The following ANO2 variants were observed in gnomAD, a reference collection of about 807,000 sequenced individuals.
ANO2 encodes the protein anoctamin-2.
Under a neutral mutation model 124.2 loss-of-function variants are expected in ANO2, and 101 were observed. The observed-to-expected ratio is 0.81, with a 90% confidence interval of 0.69 to 0.96. The LOEUF is 0.96. Among genes scored for constraint, ANO2 ranks in the 40% least tolerant of loss-of-function variants. The probability of loss-of-function intolerance (pLI) is 0.00; values close to 1 mark genes in which losing one functional copy is unlikely to be tolerated. For missense variants in ANO2, 1,293 were observed against 1,274.5 expected (o/e 1.01, Z -0.22); for synonymous variants, 486 against 482.5 (o/e 1.01, Z -0.09).
intron 7 of ANO2, among the ~76,000 whole-genome samples, chr12:5,822,411 A>C (rs1158287350): frequency 6.6e-6 from 1 of 152,138 alleles, no homozygotes; most frequent in Non-Finnish European, 1.5e-5. Context: ...TTCTGTGGAC[A>C]CTACTCAACC....
At chr12:5,873,501 G>T (rs1401638183) in intron 3 of ANO2, among the ~76,000 whole-genome samples, 1 of 152,206 alleles carries the variant, frequency 6.6e-6, no homozygotes, top group African/African-American at 2.4e-5. Context: ...CTCGCTGGAG[G>T]AATTTGGGCT....
chr12:5,670,516 T>C (rs1947945205), intron 14 of ANO2, among the ~76,000 whole-genome samples: 1 of 152,194 alleles, frequency 6.6e-6, no homozygotes, highest in Non-Finnish European at 1.5e-5. Flanking sequence ...TTTTGAAATG[T>C]TCCACATGTA....
intron 14 of ANO2, 45 bp from the exon 15 acceptor site, chr12:5,647,846 A>T: frequency 7.0e-7 from 1 of 1,429,226 alleles, no homozygotes; most frequent in Non-Finnish European, 9.8e-7. Flanking sequence ...GGCACAAATA[A>T]CAGATATTAA....
At chr12:5,921,459 G>T in intron 2 of ANO2, 93 bp from the exon 3 acceptor site, 1 of 1,287,932 alleles carries the variant, frequency 7.8e-7, no homozygotes, top group Non-Finnish European at 1.1e-6. Context: ...TCAGGGAAAC[G>T]GACTCAGAAG....
At chr12:5,869,774 T>A (rs1955522701) in intron 3 of ANO2, among the ~76,000 whole-genome samples, 1 of 152,140 alleles carries the variant, frequency 6.6e-6, no homozygotes. Context: ...CTGAGAGTGT[T>A]TTCTGCAAGA....
At position 5,787,141 on chromosome 12, in the gene ANO2, AG is replaced by A. The variant is rs1308503186; in HGVS notation, c.1055+12365del. ...CCAGGCTGCCCACAAGTCCTTCAGA[AG>A]GACAAAGGGCACATAGGAGGAAACC... On this transcript the variant is annotated intron_variant, in intron 10 of 24. Coordinates refer to ENST00000682330, the MANE Select transcript of ANO2 (RefSeq NM_001364791.2). The surrounding 1 kb of genome is among the most constrained non-coding windows in gnomAD (Gnocchi z 4.2). Among the ~76,000 whole-genome samples, 2 of 152,136 alleles carry A rather than the reference AG, an allele frequency of 1.3e-5. No individual in the cohort carries two copies. Among genetic ancestry groups the A allele is most frequent in the Non-Finnish European group, 2.9e-5 (2 of 68,024 alleles).
chr12:5,563,612 G>T (rs1352370934), intron 24 of ANO2, 44 bp from the exon 25 acceptor site: 3 of 1,604,518 alleles, frequency 1.9e-6, no homozygotes, highest in Admixed American at 1.7e-5. Context: ...GAGAGGCCCG[G>T]CCTGGGGAGG....
chr12:5,857,689 T>C (rs1466619011), intron 3 of ANO2, among the ~76,000 whole-genome samples: 1 of 152,208 alleles, frequency 6.6e-6, no homozygotes, highest in Middle Eastern at 3.2e-3. Context: ...AGTGTTTATT[T>C]AGATCCTTTG....
intron 3 of ANO2, among the ~76,000 whole-genome samples, chr12:5,872,113 G>T (rs1055549778): frequency 6.6e-6 from 1 of 152,142 alleles, no homozygotes; most frequent in Non-Finnish European, 1.5e-5. Context: ...AACAAGACAG[G>T]AGCAAAATGT....
intron 3 of ANO2, among the ~76,000 whole-genome samples, chr12:5,881,427 C>A (rs558184758): frequency 6.6e-6 from 1 of 152,320 alleles, no homozygotes; most frequent in South Asian, 2.1e-4. Context: ...AGAGCCAAGT[C>A]TCTGTGAAAT....
rs918656238 is a variant in ANO2, at chr12:5,830,312, T to G, written c.840+123A>C. On this transcript the variant is annotated intron_variant, in intron 6 of 24. Coordinates refer to ENST00000682330, the MANE Select transcript of ANO2 (RefSeq NM_001364791.2). ...GAAGCTCTTGCATACTCTTCTCTGT[T>G]GCTAGGCAACTCCAAGCAAATAACG... 3.0e-5 allele frequency: 30 copies of G among 984,496 alleles called. No individual in the cohort carries two copies. In the African/African-American group the frequency reaches 4.9e-4, roughly 16 times the overall value. 61.0% of individuals were successfully genotyped at this position (984,496 alleles called of 1,614,324 possible).
At chr12:5,934,397 T>C (rs1942560992) in intron 1 of ANO2, among the ~76,000 whole-genome samples, 1 of 152,232 alleles carries the variant, frequency 6.6e-6, no homozygotes, top group Non-Finnish European at 1.5e-5. Flanking sequence ...ATAGCATTTA[T>C]AGTCAATGAT....
At chr12:5,749,593 A>G (rs1446613165) in intron 11 of ANO2, among the ~76,000 whole-genome samples, 1 of 152,212 alleles carries the variant, frequency 6.6e-6, no homozygotes, top group African/African-American at 2.4e-5. Flanking sequence ...TTCAAGCTGC[A>G]TTTCTATCAC....
At chr12:5,621,505 C>A (rs570172131) in intron 16 of ANO2, among the ~76,000 whole-genome samples, 1 of 152,066 alleles carries the variant, frequency 6.6e-6, no homozygotes, top group South Asian at 2.1e-4. Context: ...GGAGGCAGGA[C>A]CCGGAAGGGT....
intron 20 of ANO2, among the ~76,000 whole-genome samples, chr12:5,598,840 C>T (rs1943791128): frequency 6.6e-6 from 1 of 152,188 alleles, no homozygotes; most frequent in Non-Finnish European, 1.5e-5. Context: ...GGCTTCCAAG[C>T]CACATCTAAA....
chr12:5,803,876 C>G (rs1043903651), intron 9 of ANO2, among the ~76,000 whole-genome samples: 1 of 152,196 alleles, frequency 6.6e-6, no homozygotes, highest in Non-Finnish European at 1.5e-5. Flanking sequence ...TCTCTAGCGC[C>G]TCTTGGCTTG....
intron 10 of ANO2, among the ~76,000 whole-genome samples, chr12:5,789,551 G>A (rs920423121): frequency 6.6e-6 from 1 of 152,180 alleles, no homozygotes; most frequent in Admixed American, 6.5e-5. Flanking sequence ...GTCTCTTCAC[G>A]GCTGAGCCAA....
chr12:5,744,412 A>G (rs1276920824), intron 11 of ANO2, 95 bp from the exon 12 acceptor site: 2 of 1,408,722 alleles, frequency 1.4e-6, no homozygotes, highest in Non-Finnish European at 2.0e-6. Flanking sequence ...TTCCAAATCT[A>G]TGGTTGAGTT....
intron 7 of ANO2, among the ~76,000 whole-genome samples, chr12:5,825,027 A>G (rs1953914460): frequency 6.6e-6 from 1 of 152,180 alleles, no homozygotes; most frequent in African/African-American, 2.4e-5. Flanking sequence ...ATTCTGGGAG[A>G]TACAATTCAA....
Sources: allele counts gnomAD v4.1 joint callset (sites outside exome capture counted in the v4.1 genomes callset), GRCh38; gene constraint gnomAD v4.1.1; non-coding constraint Gnocchi (gnomAD v3.1); transcripts MANE v1.5; gene names NCBI Gene and HGNC (gene_info 2026-07-23, HGNC 2026-07-21).